Variants in MDGA2 observed in about 807,000 individuals in gnomAD.
MDGA2 encodes the protein MAM domain containing glycosylphosphatidylinositol anchor 2, also known as MAM domain-containing glycosylphosphatidylinositol anchor protein 2.
A neutral mutation model predicts 117.8 loss-of-function variants in MDGA2; 40 were observed. That is an observed-to-expected ratio of 0.34 (90% CI 0.26 to 0.44). MDGA2 has a LOEUF of 0.44. MDGA2 is among the 20% of genes least tolerant of loss of function. The pLI is 1.00. For synonymous variants in MDGA2, 452 were observed against 439.0 expected, an observed-to-expected ratio of 1.03 and a Z score of -0.37; for missense variants, 1,123 against 1,250.6, an observed-to-expected ratio of 0.90 and a Z score of 1.54.
chr14:47,595,068 G>A (rs1203342359), intron 1 of MDGA2, among the ~76,000 whole-genome samples: 1 of 151,842 alleles, frequency 6.6e-6, no homozygotes, highest in African/African-American at 2.4e-5. Context: ...TGATATACAC[G>A]TGCTTATCTA....
chr14:47,472,251 C>T (rs1319286330), intron 1 of MDGA2, among the ~76,000 whole-genome samples: 4 of 152,086 alleles, frequency 2.6e-5, no homozygotes, highest in African/African-American at 2.4e-5. Flanking sequence ...ATGACAGGGA[C>T]ACATTCTGAG....
At chr14:47,462,297 A>G (rs893009691) in intron 1 of MDGA2, among the ~76,000 whole-genome samples, 4 of 149,390 alleles carry the variant, frequency 2.7e-5, no homozygotes, top group Non-Finnish European at 5.9e-5. Context: ...AATGATGGGA[A>G]CCTGGGAAGC....
chr14:46,945,287 TAGTCTTTGTTAAGGAGTACCTAGAATA>T (rs1479123302), intron 9 of MDGA2, among the ~76,000 whole-genome samples: 1 of 152,124 alleles, frequency 6.6e-6, no homozygotes, highest in Non-Finnish European at 1.5e-5. Flanking sequence ...AGCTTGGTGT[TAGTCTTTGTTAAGGAGTACCTAGAATA>T]AGTCTTTACT....
chr14:47,361,248 C>CA (rs1263766900), intron 1 of MDGA2, among the ~76,000 whole-genome samples: 1 of 1,792 alleles, frequency 5.6e-4, no homozygotes, highest in Non-Finnish European at 0.019. Context: ...AATTACAACA[C>CA]ACAAATAAAC....
At chr14:47,346,084 T>C (rs1206002431) in intron 1 of MDGA2, among the ~76,000 whole-genome samples, 2 of 152,058 alleles carry the variant, frequency 1.3e-5, no homozygotes, top group Non-Finnish European at 2.9e-5. Flanking sequence ...GCTAGAAGGA[T>C]GATATTGAAT....
intron 15 of MDGA2, among the ~76,000 whole-genome samples, chr14:46,851,146 G>A (rs1219136661): frequency 6.6e-6 from 1 of 151,724 alleles, no homozygotes; most frequent in Non-Finnish European, 1.5e-5. Flanking sequence ...CTGTTTCTAA[G>A]TCTTTAAATG....
At chr14:47,009,962 A>G (rs1887840315) in intron 8 of MDGA2, among the ~76,000 whole-genome samples, 1 of 151,722 alleles carries the variant, frequency 6.6e-6, no homozygotes, top group Non-Finnish European at 1.5e-5. Context: ...TCTGTCCCTT[A>G]CCCCCCTTTC....
chr14:47,653,576 A>G (rs1325567876), intron 1 of MDGA2, among the ~76,000 whole-genome samples: 1 of 152,164 alleles, frequency 6.6e-6, no homozygotes, highest in Non-Finnish European at 1.5e-5. Flanking sequence ...CCTCGCCAAA[A>G]GAAGTTCACA....
At chr14:47,133,819 T>C (rs56335008) in intron 4 of MDGA2, among the ~76,000 whole-genome samples, 15,343 of 152,088 alleles carry the variant, frequency 0.1, 840 homozygotes, top group Middle Eastern at 0.19. Context: ...GATCCTTTTA[T>C]TGATCTTTAC....
At chr14:46,988,236 G>A (rs1886941241) in intron 8 of MDGA2, among the ~76,000 whole-genome samples, 1 of 151,510 alleles carries the variant, frequency 6.6e-6, no homozygotes, top group East Asian at 1.9e-4. Flanking sequence ...TTATGAAGAA[G>A]GAAATAGAAA....
At chr14:46,915,865 G>A (rs1461370698) in intron 10 of MDGA2, among the ~76,000 whole-genome samples, 3 of 152,154 alleles carry the variant, frequency 2.0e-5, no homozygotes, top group Non-Finnish European at 4.4e-5. Flanking sequence ...CAGCGGCCAG[G>A]CTTCTGAACC....
chr14:47,317,833 C>T (rs906546680), intron 1 of MDGA2, among the ~76,000 whole-genome samples: 1 of 152,064 alleles, frequency 6.6e-6, no homozygotes, highest in Admixed American at 6.6e-5. Flanking sequence ...AGACTTTGCC[C>T]TGTCTTCTAG....
intron 10 of MDGA2, among the ~76,000 whole-genome samples, chr14:46,916,503 G>A (rs183101292): frequency 2.0e-5 from 3 of 151,438 alleles, no homozygotes; most frequent in East Asian, 3.9e-4. Context: ...GAACTACATC[G>A]ATTTTATTGT....
At chr14:47,005,747 G>GTA (rs1389863996) in intron 8 of MDGA2, among the ~76,000 whole-genome samples, 1 of 151,380 alleles carries the variant, frequency 6.6e-6, no homozygotes, top group Non-Finnish European at 1.5e-5. Flanking sequence ...CTCCCTATAT[G>GTA]TATATTGATA....
intron 1 of MDGA2, among the ~76,000 whole-genome samples, chr14:47,628,329 C>T (rs568890934): frequency 1.3e-5 from 2 of 152,204 alleles, no homozygotes; most frequent in Non-Finnish European, 1.5e-5. Flanking sequence ...ATATCTGCCT[C>T]TACATCCTCC....
At chr14:47,529,669 A>C (rs1033180528) in intron 1 of MDGA2, among the ~76,000 whole-genome samples, 7 of 152,264 alleles carry the variant, frequency 4.6e-5, no homozygotes, top group African/African-American at 1.7e-4. Flanking sequence ...CCTTGACTTA[A>C]ATTGCTGAAT....
rs554218019 is a variant in MDGA2, at chr14:46,983,655, C to A, written c.1820-26012G>T. 2.4e-3 allele frequency among the ~76,000 whole-genome samples: 369 copies of A among 152,176 alleles called. 2 individuals carry two copies. Among genetic ancestry groups the A allele is most frequent in the African/African-American group, 8.4e-3 (349 of 41,540 alleles). On this transcript the variant is annotated intron_variant, in intron 8 of 16. Transcript: ENST00000399232. ...TTTCAATATCTTCCTGGTTGCAGAC[C>A]TGGTTTTCAGTAATATCAAGGTGCT...
At chr14:47,453,117 A>G (rs1893275670) in intron 1 of MDGA2, among the ~76,000 whole-genome samples, 4 of 152,028 alleles carry the variant, frequency 2.6e-5, no homozygotes, top group African/African-American at 9.7e-5. Context: ...GCTCTGTAAT[A>G]ATATTATAAT....
At chr14:47,568,061 T>C (rs1006291383) in intron 1 of MDGA2, among the ~76,000 whole-genome samples, 12 of 152,152 alleles carry the variant, frequency 7.9e-5, no homozygotes, top group African/African-American at 2.9e-4. Flanking sequence ...TAGTCAGTAC[T>C]GCTGGGGCCC....
Sources: gnomAD v4.1 joint callset for allele counts (sites outside exome capture counted in the v4.1 genomes callset) on GRCh38, gnomAD v4.1.1 for gene constraint, MANE v1.5 for transcripts, NCBI Gene and HGNC (gene_info 2026-07-23, HGNC 2026-07-21) for gene names.